The following POU3F3 variants were observed in gnomAD, a reference collection of about 807,000 sequenced individuals.
The protein encoded by POU3F3 is POU domain, class 3, transcription factor 3.
POU3F3 carries 1 observed loss-of-function variant against 8.6 expected under a neutral mutation model. The observed-to-expected ratio is 0.12, with a 90% CI of 0.04 to 0.55. The LOEUF (loss-of-function observed/expected upper bound fraction) is 0.55. POU3F3 is among the 20% of genes least tolerant of loss of function. The probability of loss-of-function intolerance (pLI) is 0.91; values close to 1 mark genes in which losing one functional copy is unlikely to be tolerated. For missense variants in POU3F3, 577 were observed against 690.7 expected (o/e 0.84, Z 1.84); for synonymous variants, 418 against 327.4 (o/e 1.28, Z -2.99).
the POU3F3 span, among the ~76,000 whole-genome samples, chr2:104,893,883 C>CAAAAAA: frequency 1.1e-5 from 1 of 87,802 alleles, no homozygotes; most frequent in African/African-American, 4.4e-5. Context: ...AACTCTGTCT[C>CAAAAAA]AAAAAAAAAA....
downstream of POU3F3, among the ~76,000 whole-genome samples, chr2:104,862,601 G>C (rs1376639075): frequency 6.6e-6 from 1 of 152,094 alleles, no homozygotes; most frequent in African/African-American, 2.4e-5. Context: ...TGGGGCGGCC[G>C]GGTCCCTGCT....
At chr2:104,915,720 A>G in the POU3F3 span, among the ~76,000 whole-genome samples, 6 of 151,454 alleles carry the variant, frequency 4.0e-5, no homozygotes, top group African/African-American at 1.2e-4. Context: ...TTCTTTCACC[A>G]ATGAGAGGTT....
At chr2:104,900,488 G>A in the POU3F3 span, among the ~76,000 whole-genome samples, 101 of 152,280 alleles carry the variant, frequency 6.6e-4, 2 homozygotes, top group African/African-American at 2.3e-3. Flanking sequence ...AAGAAAATAC[G>A]CTTTAAATAT....
chr2:104,913,720 A>G, the POU3F3 span, among the ~76,000 whole-genome samples: 3 of 152,220 alleles, frequency 2.0e-5, no homozygotes. Flanking sequence ...GAAGTATAAC[A>G]CACATACAGA....
the POU3F3 span, among the ~76,000 whole-genome samples, chr2:104,927,284 A>AAAAGTTATGGGATGTTAT: frequency 6.6e-6 from 1 of 152,060 alleles, no homozygotes. Flanking sequence ...TGGGGCACAC[A>AAAAGTTATGGGATGTTAT]GACATCCAGT....
At chr2:104,865,039 C>A in the POU3F3 span, among the ~76,000 whole-genome samples, 1 of 152,172 alleles carries the variant, frequency 6.6e-6, no homozygotes, top group African/African-American at 2.4e-5. Context: ...ACTCAATTGC[C>A]ACAGTTTTAG....
the POU3F3 span, among the ~76,000 whole-genome samples, chr2:104,865,027 A>G: frequency 0.69 from 104,898 of 151,952 alleles, 36,674 homozygotes; most frequent in East Asian, 0.9. Context: ...TCTGTAAAAT[A>G]TACTCAATTG....
the POU3F3 span, among the ~76,000 whole-genome samples, chr2:104,892,235 C>T: frequency 1.3e-5 from 2 of 152,138 alleles, no homozygotes; most frequent in South Asian, 2.1e-4. Context: ...TGAAGATGGC[C>T]CATCACAGAG....
At chr2:104,895,167 C>T in the POU3F3 span, among the ~76,000 whole-genome samples, 42 of 152,098 alleles carry the variant, frequency 2.8e-4, 1 homozygote, top group East Asian at 7.9e-3. Context: ...TTGGGCTGAG[C>T]GGTCCTCAAA....
chr2:104,855,521 C>A lies in POU3F3; in HGVS notation c.11C>A (p.Ala4Glu). 1 of 1,023,298 alleles carries A rather than the reference C, an allele frequency of 9.8e-7. No individual in the cohort carries two copies. The highest frequency in any genetic ancestry group is 1.2e-6 in the Non-Finnish European group (1 of 852,336). The allele number at this position is 1,023,298 out of a possible 1,614,324, so 63.4% of individuals were successfully genotyped here. Reference sequence around the variant, plus strand: ...CGGGAGCGGAGCGGCATGGCCACGGCGGCTTCTAACCCCTACCTGCCGGGG... The same window carrying A: ...CGGGAGCGGAGCGGCATGGCCACGGAGGCTTCTAACCCCTACCTGCCGGGG... MAT[A>E]ASNPYLPGNS... The change falls in exon 1 of 1, where the codon GCG becomes GAG. Residue 4 changes from alanine (A) to glutamate (E), a missense_variant. Ala to Glu is a moderately radical substitution (Grantham distance 107, BLOSUM62 -1). This residue lies in a region of POU3F3 where 484 missense variants were observed against 422.6 expected (regional missense o/e 1.15). Transcript: ENST00000361360.
In POU3F3 at chr2:104,856,250, C is replaced by G; in HGVS notation, c.740C>G (p.Ala247Gly). 7.8e-7 allele frequency: 1 copy of G among 1,285,834 alleles called. No individual in the cohort carries two copies. The highest frequency in any genetic ancestry group is 9.7e-7 in the Non-Finnish European group (1 of 1,026,466). 79.7% of individuals were successfully genotyped at this position (1,285,834 alleles called of 1,614,324 possible). ...PPGPGGGGGG[A>G]GGGAQSLVHP... ...GGGCCCGGCGGCGGCGGCGGCGGCG[C>G]GGGCGGTGGAGCCCAGAGCTTGGTG... The change falls in exon 1 of 1, where the codon GCG becomes GGG. Residue 247 changes from alanine (A) to glycine (G), a missense_variant. This residue lies in a region of POU3F3 where 484 missense variants were observed against 422.6 expected (regional missense o/e 1.15). Transcript: ENST00000361360.
At chr2:104,921,703 G>A in the POU3F3 span, among the ~76,000 whole-genome samples, 11 of 152,044 alleles carry the variant, frequency 7.2e-5, no homozygotes, top group Non-Finnish European at 1.0e-4. Flanking sequence ...AGGACATTCA[G>A]AAGTGACCAC....
At chr2:104,853,377 TAAAC>T (rs1432266467), upstream of POU3F3, 2 of 152,174 alleles carry the variant, frequency 1.3e-5, no homozygotes, top group African/African-American at 4.8e-5. Context: ...TCCGAGAACT[TAAAC>T]AAAGGGGGCT....
chr2:104,894,713 A>C, the POU3F3 span, among the ~76,000 whole-genome samples: 1 of 152,162 alleles, frequency 6.6e-6, no homozygotes, highest in East Asian at 1.9e-4. Context: ...TTGCTATTTC[A>C]GTGAAAAGCA....
At chr2:104,924,935 G>A in the POU3F3 span, among the ~76,000 whole-genome samples, 14 of 152,278 alleles carry the variant, frequency 9.2e-5, no homozygotes, top group African/African-American at 3.1e-4. Context: ...AATTGCATCA[G>A]ATTTCAAAAA....
the POU3F3 span, among the ~76,000 whole-genome samples, chr2:104,876,932 CA>C: frequency 6.6e-6 from 1 of 152,206 alleles, no homozygotes; most frequent in Admixed American, 6.5e-5. Flanking sequence ...TGGGAACACC[CA>C]GCACCTCAGT....
the POU3F3 span, among the ~76,000 whole-genome samples, chr2:104,903,773 GT>G: frequency 6.6e-6 from 1 of 152,216 alleles, no homozygotes; most frequent in Non-Finnish European, 1.5e-5. Flanking sequence ...TTAGAAAAAT[GT>G]TTGTCTGTGG....
the POU3F3 span, among the ~76,000 whole-genome samples, chr2:104,913,460 G>A: frequency 6.6e-6 from 1 of 152,122 alleles, no homozygotes. Context: ...AGGCCCTGGG[G>A]TAACTGGCTT....
the POU3F3 span, chr2:104,865,277 A>C: frequency 6.6e-6 from 1 of 152,208 alleles, no homozygotes; most frequent in Non-Finnish European, 1.5e-5. Context: ...AGGTGGAATC[A>C]AGTGTGAATC....
Sources: allele counts gnomAD v4.1 joint callset (sites outside exome capture counted in the v4.1 genomes callset), GRCh38; gene constraint gnomAD v4.1.1; regional missense constraint gnomAD v4.1.1; transcripts MANE v1.5; gene names NCBI Gene and HGNC (gene_info 2026-07-23, HGNC 2026-07-21).